Variants in PEX11G observed in about 807,000 individuals in gnomAD.
PEX11G encodes the protein peroxisomal biogenesis factor 11 gamma.
In PEX11G, 20 loss-of-function variants were observed where a neutral mutation model predicts 22.5. The observed-to-expected ratio is 0.89, with a 90% CI of 0.62 to 1.29. PEX11G has a LOEUF of 1.29. Ranked by LOEUF, PEX11G falls within the 50% of genes most tolerant of loss-of-function variation. PEX11G has a pLI of 0.00. For missense variants in PEX11G, 347 were observed against 331.3 expected, an observed-to-expected ratio of 1.05 and a Z score of -0.37; for synonymous variants, 141 against 154.5, an observed-to-expected ratio of 0.91 and a Z score of 0.65.
At chr19:7,477,519 G>A in intron 4 of PEX11G, 83 bp from the exon 5 acceptor site, 1 of 1,155,544 alleles carries the variant, frequency 8.7e-7, no homozygotes, top group Non-Finnish European at 1.1e-6. Flanking sequence ...GTGTGGCCTG[G>A]CAGCCCTGAG....
chr19:7,489,120 T>C, upstream of PEX11G: 5 of 1,298,164 alleles, frequency 3.9e-6, no homozygotes, highest in Non-Finnish European at 5.0e-6. Context: ...GCCGCAGGCC[T>C]TTGTCCCCCT....
chr19:7,478,236 A>G (rs1977321551), intron 4 of PEX11G, 78 bp downstream of exon 4: 1 of 1,485,208 alleles, frequency 6.7e-7, no homozygotes, highest in Admixed American at 1.9e-5. Context: ...ATGGGCCTGC[A>G]CAGGGGTGGC....
In PEX11G at chr19:7,486,036, A is replaced by G. The variant is rs371292548; in HGVS notation, c.61-10T>C. The G allele has an allele frequency of 1.4e-5, 22 of 1,577,472 alleles. No homozygotes were observed. The highest frequency in any genetic ancestry group is 4.3e-6 in the Non-Finnish European group (5 of 1,154,764). The stretch of plus-strand genomic sequence containing the variant: ...ACCCCAGCACTCGGATCTGTGGGAA[A>G]CCAGAAGCAGTCAGTGTGGCCCTCC... On this transcript the variant is annotated splice_polypyrimidine_tract_variant and intron_variant, in intron 1 of 4. Coordinates refer to ENST00000221480, the MANE Select transcript of PEX11G (RefSeq NM_080662.4).
In PEX11G at chr19:7,477,232, GGCCCGGGCCGCCT is replaced by G; in HGVS notation, c.683_695del (p.Gln228ProfsTer47). 10 of 1,535,360 alleles carry G rather than the reference GGCCCGGGCCGCCT, an allele frequency of 6.5e-6. No homozygotes were observed. The highest frequency in any genetic ancestry group is 8.7e-6 in the Non-Finnish European group (10 of 1,145,590). ...GGGTAGTGGCCTCGGCCTGGCCGCCGGCCCGGGCCGCCTGGTACATGCTGAGGATTGAGGAGAT... is the reference window on the plus strand; with the variant it reads ...GGGTAGTGGCCTCGGCCTGGCCGCCGGGTACATGCTGAGGATTGAGGAGAT... On this transcript the variant is annotated frameshift_variant, in exon 5 of 5. Transcript: ENST00000221480. LOFTEE classifies it low-confidence loss of function (END_TRUNC).
rs1181259619 is a variant in PEX11G, at chr19:7,488,969, G to A, written c.42C>T (p.Tyr14=). 9 of 1,555,508 alleles carry A rather than the reference G, an allele frequency of 5.8e-6. No homozygotes were observed. In the Admixed American group the frequency reaches 1.3e-4, roughly 23 times the overall value. The change falls in exon 1 of 5, where the codon TAC becomes TAT. Residue 14 remains tyrosine (Y), a synonymous_variant. Transcript: ENST00000221480. ...LSGLASALES[Y]RGRDRLIRVL... ...GCCTCACCAGGCGGTCCCGGCCCCT[G>A]TACGACTCCAGCGCCGACGCCAGGC...
chr19:7,489,156 G>A (rs1283530307), upstream of PEX11G: 1 of 1,165,890 alleles, frequency 8.6e-7, no homozygotes, highest in Non-Finnish European at 1.1e-6. Flanking sequence ...CGCTGTAGGG[G>A]AGGGACAGAG....
At chr19:7,494,024 A>G (rs2021935577), upstream of PEX11G, among the ~76,000 whole-genome samples, 1 of 151,720 alleles carries the variant, frequency 6.6e-6, no homozygotes, top group African/African-American at 2.4e-5. Flanking sequence ...CTCCTGCCTC[A>G]GCCTCCCAAG....
At chr19:7,485,261 C>T (rs1439237500) in intron 2 of PEX11G, among the ~76,000 whole-genome samples, 2 of 152,232 alleles carry the variant, frequency 1.3e-5, no homozygotes, top group East Asian at 3.9e-4. Context: ...ACCTCCACCT[C>T]CCAGGTTCAA....
At chr19:7,491,854 C>CAAAA (rs1568385829), upstream of PEX11G, among the ~76,000 whole-genome samples, 1 of 151,340 alleles carries the variant, frequency 6.6e-6, no homozygotes, top group Admixed American at 6.6e-5. Context: ...GATGCGGTCT[C>CAAAA]GCTATGTTCA....
intron 4 of PEX11G, among the ~76,000 whole-genome samples, 172 bp from the exon 5 acceptor site, chr19:7,477,608 C>T (rs1599202879): frequency 6.6e-6 from 1 of 152,124 alleles, no homozygotes; most frequent in Admixed American, 6.5e-5. Flanking sequence ...TCCCCATCAC[C>T]CCCCCGACCC....
intron 3 of PEX11G, among the ~76,000 whole-genome samples, chr19:7,478,976 G>A (rs1050606075): frequency 2.6e-5 from 4 of 152,170 alleles, no homozygotes; most frequent in African/African-American, 9.7e-5. Flanking sequence ...GCACCCACCC[G>A]GGCCAGTCCA....
At chr19:7,488,869 C>T in intron 1 of PEX11G, 82 bp downstream of exon 1, 2 of 1,434,128 alleles carry the variant, frequency 1.4e-6, no homozygotes, top group East Asian at 2.5e-5. Flanking sequence ...TGGGCGACCC[C>T]GTCCCCTCTC....
Position 7,488,961 on chromosome 19 carries a change from C to G in PEX11G, c.50G>C (p.Arg17Pro). Residue 17 changes from arginine to proline, a missense_variant, in exon 1 of 5, where the codon CGG becomes CCG. Physicochemically the swap from Arg to Pro is moderately radical, Grantham distance 103 (BLOSUM62 -2). Coordinates refer to ENST00000221480, the MANE Select transcript of PEX11G (RefSeq NM_080662.4). ...CCGCCCCTGCCTCACCAGGCGGTCC[C>G]GGCCCCTGTACGACTCCAGCGCCGA... Reference protein sequence around the residue: ...LASALESYRGRDRLIRVLGYC... With the variant: ...LASALESYRGPDRLIRVLGYC... The G allele has an allele frequency of 1.9e-6, 3 of 1,555,046 alleles. No homozygotes were observed. Among genetic ancestry groups the G allele is most frequent in the Non-Finnish European group, 2.6e-6 (3 of 1,151,368 alleles).
intron 1 of PEX11G, among the ~76,000 whole-genome samples, chr19:7,494,376 C>T (rs1010269248): frequency 6.6e-6 from 1 of 152,048 alleles, no homozygotes; most frequent in Non-Finnish European, 1.5e-5. Flanking sequence ...TGGGCGTCAG[C>T]AAGACCCATC....
At chr19:7,488,905 TG>T in intron 1 of PEX11G, 45 bp downstream of exon 1, 1 of 1,539,594 alleles carries the variant, frequency 6.5e-7, no homozygotes, top group Non-Finnish European at 8.8e-7. Context: ...TCTCTGAGCT[TG>T]GGCCAAACTC....
intron 4 of PEX11G, among the ~76,000 whole-genome samples, 160 bp downstream of exon 4, chr19:7,478,154 T>C (rs1373236437): frequency 6.6e-6 from 1 of 152,216 alleles, no homozygotes; most frequent in East Asian, 1.9e-4. Flanking sequence ...AGTTTCTCCA[T>C]CTGTAAAAGG....
chr19:7,482,911 G>A (rs560865278), intron 2 of PEX11G, among the ~76,000 whole-genome samples: 66 of 152,312 alleles, frequency 4.3e-4, no homozygotes, highest in African/African-American at 1.5e-3. Flanking sequence ...ATGCACACGC[G>A]GGCTCTCGGT....
chr19:7,477,789 CCTTT>C (rs1465460313), intron 4 of PEX11G, among the ~76,000 whole-genome samples: 1 of 152,360 alleles, frequency 6.6e-6, no homozygotes, highest in Admixed American at 6.5e-5. Context: ...GCCTGCCCGG[CCTTT>C]CTTTATCAGG....
At chr19:7,483,731 C>T (rs1977613717) in intron 2 of PEX11G, among the ~76,000 whole-genome samples, 1 of 151,978 alleles carries the variant, frequency 6.6e-6, no homozygotes, top group African/African-American at 2.4e-5. Flanking sequence ...GATTTCGGGG[C>T]GGGGAGCACC....
Sources: allele counts gnomAD v4.1 joint callset (sites outside exome capture counted in the v4.1 genomes callset), GRCh38; gene constraint gnomAD v4.1.1; transcripts MANE v1.5; gene names NCBI Gene and HGNC (gene_info 2026-07-23, HGNC 2026-07-21).